Variants in CPNE4 observed in about 807,000 individuals in gnomAD.
The protein encoded by CPNE4 is copine 4, also known as copine-4.
In CPNE4, 25 loss-of-function variants were observed where a neutral mutation model predicts 67.9. The ratio of observed to expected loss-of-function variants is 0.37; its 90% CI spans 0.27 to 0.51. The LOEUF (loss-of-function observed/expected upper bound fraction) is 0.51. CPNE4 is among the 20% of genes least tolerant of loss of function. The probability of loss-of-function intolerance (pLI) is 0.93; values close to 1 mark genes in which losing one functional copy is unlikely to be tolerated. For missense variants in CPNE4, 464 were observed against 690.8 expected, an observed-to-expected ratio of 0.67 and a Z score of 3.68; for synonymous variants, 242 against 244.9, an observed-to-expected ratio of 0.99 and a Z score of 0.11.
chr3:131,791,715 C>T (rs2083727364), intron 2 of CPNE4, among the ~76,000 whole-genome samples: 1 of 152,120 alleles, frequency 6.6e-6, no homozygotes, highest in Non-Finnish European at 1.5e-5. Context: ...ATCACTTTGC[C>T]CCAGGGGTGG....
intron 7 of CPNE4, among the ~76,000 whole-genome samples, chr3:131,608,485 G>T (rs564090824): frequency 3.2e-4 from 49 of 152,238 alleles, no homozygotes; most frequent in Non-Finnish European, 4.3e-4. Context: ...TAGGTACAAG[G>T]AGCAGCAAGT....
chr3:131,990,479 GC>G (rs1297124824), intron 1 of CPNE4, among the ~76,000 whole-genome samples: 1 of 134,194 alleles, frequency 7.5e-6, no homozygotes, highest in Non-Finnish European at 1.7e-5. Flanking sequence ...AACACCCCCT[GC>G]CCCCAGTAAA....
chr3:131,925,139 C>CTCTCTCTTGTTCTCATAT (rs2070858390), intron 1 of CPNE4, among the ~76,000 whole-genome samples: 1 of 143,814 alleles, frequency 7.0e-6, no homozygotes, highest in Non-Finnish European at 1.5e-5. Flanking sequence ...CTCTGATTCT[C>CTCTCTCTTGTTCTCATAT]TCTCTCTTGT....
chr3:131,618,753 A>G (rs1163081193), intron 7 of CPNE4, among the ~76,000 whole-genome samples: 1 of 152,180 alleles, frequency 6.6e-6, no homozygotes, highest in African/African-American at 2.4e-5. Context: ...GTGTGTTCAT[A>G]CAGCATACAC....
chr3:131,973,348 C>CA (rs1011008526), intron 1 of CPNE4, among the ~76,000 whole-genome samples: 37 of 151,128 alleles, frequency 2.4e-4, no homozygotes, highest in African/African-American at 7.8e-4. Flanking sequence ...ATGTAGGGTG[C>CA]AAAAAAAATG....
At chr3:131,666,032 G>GA (rs1412008851) in intron 7 of CPNE4, among the ~76,000 whole-genome samples, 1 of 151,870 alleles carries the variant, frequency 6.6e-6, no homozygotes, top group Non-Finnish European at 1.5e-5. Flanking sequence ...AAAGCTCAAT[G>GA]AAAAAAACAG....
intron 1 of CPNE4, among the ~76,000 whole-genome samples, chr3:131,951,039 A>G: frequency 6.6e-6 from 1 of 152,208 alleles, no homozygotes; most frequent in East Asian, 1.9e-4. Flanking sequence ...CTACTTCTAC[A>G]TATAAATTTA....
chr3:131,858,943 C>T (rs2086564704), intron 2 of CPNE4, among the ~76,000 whole-genome samples: 1 of 152,148 alleles, frequency 6.6e-6, no homozygotes, highest in African/African-American at 2.4e-5. Context: ...AATGTCTGGA[C>T]TCTGCTCACC....
intron 2 of CPNE4, among the ~76,000 whole-genome samples, chr3:131,726,879 G>T (rs1381747636): frequency 6.6e-6 from 1 of 152,150 alleles, no homozygotes; most frequent in Non-Finnish European, 1.5e-5. Flanking sequence ...AGGAGATGTA[G>T]AGTCTATCTC....
chr3:131,873,061 A>C (rs976246951), intron 2 of CPNE4, among the ~76,000 whole-genome samples: 1 of 152,206 alleles, frequency 6.6e-6, no homozygotes, highest in African/African-American at 2.4e-5. Context: ...TAGTGATACC[A>C]TCTTACATGG....
At chr3:131,799,950 T>G (rs895852874) in intron 2 of CPNE4, among the ~76,000 whole-genome samples, 11 of 149,894 alleles carry the variant, frequency 7.3e-5, no homozygotes, top group African/African-American at 2.7e-4. Flanking sequence ...TGTGTGTGTG[T>G]GTGTGTATTT....
At chr3:131,741,927 T>C (rs1048952472) in intron 2 of CPNE4, among the ~76,000 whole-genome samples, 1 of 152,166 alleles carries the variant, frequency 6.6e-6, no homozygotes, top group African/African-American at 2.4e-5. Context: ...AAAAGATATG[T>C]GCAGGAATGA....
At chr3:131,584,687 G>T (rs1483966442) in intron 8 of CPNE4, among the ~76,000 whole-genome samples, 1 of 152,106 alleles carries the variant, frequency 6.6e-6, no homozygotes, top group African/African-American at 2.4e-5. Context: ...TTGCAGCACT[G>T]TCCAGTAGAA....
chr3:131,802,328 T>C (rs928245819), intron 2 of CPNE4, among the ~76,000 whole-genome samples: 2 of 152,174 alleles, frequency 1.3e-5, no homozygotes, highest in Non-Finnish European at 2.9e-5. Context: ...GTGGGAAATG[T>C]TCAGTTTATT....
intron 2 of CPNE4, among the ~76,000 whole-genome samples, chr3:131,893,077 T>G (rs2088180602): frequency 6.6e-6 from 1 of 151,996 alleles, no homozygotes; most frequent in Non-Finnish European, 1.5e-5. Context: ...AGCTACATGC[T>G]GCCTATAAGA....
chr3:131,693,896 C>T (rs1257069926), intron 5 of CPNE4, among the ~76,000 whole-genome samples: 1 of 152,158 alleles, frequency 6.6e-6, no homozygotes, highest in African/African-American at 2.4e-5. Flanking sequence ...GTTTGAGTCC[C>T]TCTCTTGCAC....
intron 2 of CPNE4, among the ~76,000 whole-genome samples, chr3:131,877,036 C>A (rs951059166): frequency 7.9e-5 from 12 of 151,868 alleles, no homozygotes; most frequent in African/African-American, 2.9e-4. Flanking sequence ...AAACCGGCAT[C>A]CTTCTCCCTT....
intron 7 of CPNE4, among the ~76,000 whole-genome samples, chr3:131,640,990 G>A (rs1342865597): frequency 3.3e-5 from 5 of 151,960 alleles, no homozygotes; most frequent in African/African-American, 9.7e-5. Context: ...TTGGATCCTC[G>A]TCTCTCACCT....
chr3:131,766,875 CCTGAACAT>C (rs1166311795), intron 2 of CPNE4, among the ~76,000 whole-genome samples: 1 of 152,034 alleles, frequency 6.6e-6, no homozygotes, highest in Non-Finnish European at 1.5e-5. Flanking sequence ...ATTTTTTCAT[CCTGAACAT>C]CTGCTAATAA....
Sources: gnomAD v4.1 joint callset for allele counts (sites outside exome capture counted in the v4.1 genomes callset) on GRCh38, gnomAD v4.1.1 for gene constraint, MANE v1.5 for transcripts, NCBI Gene and HGNC (gene_info 2026-07-23, HGNC 2026-07-21) for gene names.